The following PLEKHA6 variants were observed in gnomAD, a reference collection of about 807,000 sequenced individuals.
PLEKHA6 encodes pleckstrin homology domain-containing family A member 6.
Under a neutral mutation model 116.7 loss-of-function variants are expected in PLEKHA6, and 60 were observed. The observed-to-expected ratio is 0.51, with a 90% CI of 0.42 to 0.64. The LOEUF is 0.64. Ranked by LOEUF, PLEKHA6 falls within the 30% of genes least tolerant of loss-of-function variation. The pLI is 0.00. For missense variants in PLEKHA6, 1,338 were observed against 1,422.7 expected (o/e 0.94, Z 0.96); for synonymous variants, 489 against 556.1 (o/e 0.88, Z 1.70).
chr1:204,349,840 C>T (rs926152855), intron 1 of PLEKHA6, among the ~76,000 whole-genome samples: 1 of 152,172 alleles, frequency 6.6e-6, no homozygotes, highest in African/African-American at 2.4e-5. Context: ...CTCAGTGTTT[C>T]ACTGAAAGAA....
At chr1:204,278,140 C>A (rs554729906) in intron 1 of PLEKHA6, among the ~76,000 whole-genome samples, 5 of 152,346 alleles carry the variant, frequency 3.3e-5, no homozygotes, top group African/African-American at 9.6e-5. Context: ...GCGCTCCCCC[C>A]TTTCCTAATG....
intron 1 of PLEKHA6, chr1:204,359,426 G>T: frequency 5.4e-6 from 1 of 185,608 alleles, no homozygotes; most frequent in South Asian, 1.8e-4. Context: ...TCATCCAGGA[G>T]ATGCAATTCA....
At chr1:204,332,804 G>C (rs963882196) in intron 1 of PLEKHA6, among the ~76,000 whole-genome samples, 1 of 152,188 alleles carries the variant, frequency 6.6e-6, no homozygotes, top group Non-Finnish European at 1.5e-5. Flanking sequence ...TCTGCCCCTT[G>C]CTGGCTGCAT....
intron 1 of PLEKHA6, among the ~76,000 whole-genome samples, chr1:204,344,049 G>T (rs1481966290): frequency 6.6e-6 from 1 of 152,182 alleles, no homozygotes; most frequent in South Asian, 2.1e-4. Context: ...AGCTACTCAG[G>T]AGTATGAGGC....
intron 1 of PLEKHA6, among the ~76,000 whole-genome samples, chr1:204,372,622 A>G (rs1673796950): frequency 6.6e-6 from 1 of 152,194 alleles, no homozygotes; most frequent in African/African-American, 2.4e-5. Context: ...GAGATATCGA[A>G]TAAACGCCCT....
At chr1:204,357,875 T>G (rs1673459410) in intron 1 of PLEKHA6, among the ~76,000 whole-genome samples, 1 of 152,254 alleles carries the variant, frequency 6.6e-6, no homozygotes. Flanking sequence ...GGGGCTCTGA[T>G]GTCAGCCCGG....
chr1:204,244,617 G>C (rs974109041), intron 15 of PLEKHA6, among the ~76,000 whole-genome samples: 12 of 152,144 alleles, frequency 7.9e-5, no homozygotes, highest in Non-Finnish European at 1.5e-4. Context: ...ATCCATCCTG[G>C]TGCCCAGGAA....
Position 204,221,652 on chromosome 1 carries a change from TG to T in PLEKHA6, c.*1135del, listed in dbSNP as rs547535019. The T allele has an allele frequency of 2.0e-5, 3 of 152,456 alleles. No homozygotes were observed. The highest frequency in any genetic ancestry group is 7.2e-5 in the African/African-American group (3 of 41,554). The allele number at this position is 152,456 out of a possible 1,614,324, so 9.4% of individuals were successfully genotyped here. On this transcript the variant is annotated 3_prime_UTR_variant, in exon 23 of 23. Transcript: ENST00000272203. The stretch of plus-strand genomic sequence containing the variant: ...AACAGGGCAAGAAATATCATGGAAC[TG>T]GGTAGGTAAGGCCCCAAGGCTGACC...
rs777057913 is a variant in PLEKHA6 at position 204,250,623 on chromosome 1, A to G, written c.1525-9T>C. ...TCTGGGTATGGAGGGACCTGCAGGA[A>G]CATGAGGCCGGTTACTGCAGCAGGG... On this transcript the variant is annotated splice_polypyrimidine_tract_variant and intron_variant, in intron 9 of 22. Transcript: ENST00000272203. 1.9e-6 allele frequency: 3 copies of G among 1,607,050 alleles called. No homozygotes were observed. In the South Asian group the frequency reaches 3.3e-5, roughly 18 times the overall value.
upstream of PLEKHA6, among the ~76,000 whole-genome samples, chr1:204,362,729 TACAG>T (rs1159941333): frequency 1.3e-5 from 2 of 152,210 alleles, no homozygotes; most frequent in African/African-American, 2.4e-5. Flanking sequence ...TAGTTTGTTT[TACAG>T]ACAGAGTCTT....
intron 1 of PLEKHA6, among the ~76,000 whole-genome samples, chr1:204,374,922 C>T (rs2103421700): frequency 6.6e-6 from 1 of 152,296 alleles, no homozygotes; most frequent in Middle Eastern, 3.4e-3. Flanking sequence ...TAGAGGCCTC[C>T]CCCTCTCCTA....
Position 204,267,553 on chromosome 1 carries a change from G to C in PLEKHA6, c.208-6C>G. 1.2e-6 allele frequency: 2 copies of C among 1,613,820 alleles called. No individual in the cohort carries two copies. Among genetic ancestry groups the C allele is most frequent in the Non-Finnish European group, 1.7e-6 (2 of 1,179,748 alleles). ...TGCTTAACCCCGGAGCTGGCCTGCG[G>C]GACATGGGAGAGGCAGATGTGAGGG... On this transcript the variant is annotated splice_region_variant and splice_polypyrimidine_tract_variant and intron_variant, in intron 4 of 22. Coordinates refer to ENST00000272203, the MANE Select transcript of PLEKHA6 (RefSeq NM_014935.5).
At chr1:204,289,535 C>T (rs373295040) in intron 1 of PLEKHA6, among the ~76,000 whole-genome samples, 1 of 152,202 alleles carries the variant, frequency 6.6e-6, no homozygotes, top group Non-Finnish European at 1.5e-5. Context: ...CCTAGCAGCC[C>T]GCGGGGTGGC....
chr1:204,347,555 C>T (rs1304284236), intron 1 of PLEKHA6, among the ~76,000 whole-genome samples: 6 of 151,230 alleles, frequency 4.0e-5, no homozygotes, highest in African/African-American at 7.3e-5. Context: ...AAAGTAAAGA[C>T]AGGCATAGGA....
intron 1 of PLEKHA6, among the ~76,000 whole-genome samples, chr1:204,283,799 G>T (rs1272859634): frequency 6.6e-6 from 1 of 152,208 alleles, no homozygotes; most frequent in Non-Finnish European, 1.5e-5. Flanking sequence ...ATGTGGGCTG[G>T]GGGCTACCCA....
At chr1:204,327,037 T>C (rs1316919263) in intron 1 of PLEKHA6, 10 of 983,380 alleles carry the variant, frequency 1.0e-5, no homozygotes, top group Non-Finnish European at 1.2e-5. Flanking sequence ...GGTTTCAGCC[T>C]CTCCCCAGTC....
chr1:204,324,713 C>T lies in PLEKHA6; in HGVS notation c.-95+34981G>A, dbSNP rs543397651. Among the ~76,000 whole-genome samples, 3 of 152,268 alleles carry T rather than the reference C, an allele frequency of 2.0e-5. No individual in the cohort carries two copies. The South Asian group carries it at 6.2e-4, about 32-fold the overall frequency. On this transcript the variant is annotated intron_variant, in intron 1 of 22. Coordinates refer to ENST00000272203, the MANE Select transcript of PLEKHA6 (RefSeq NM_014935.5). Reference sequence around the variant, plus strand: ...TGCTGAATTGGAAGTCGATTAGGATCCTGGTGTTTTTATCTGACCTGAGGC... The same window carrying T: ...TGCTGAATTGGAAGTCGATTAGGATTCTGGTGTTTTTATCTGACCTGAGGC...
At chr1:204,349,022 C>T (rs1030119559) in intron 1 of PLEKHA6, among the ~76,000 whole-genome samples, 1 of 152,158 alleles carries the variant, frequency 6.6e-6, no homozygotes, top group South Asian at 2.1e-4. Flanking sequence ...CCATCCTTCC[C>T]GGCTGACTCC....
In PLEKHA6 at chr1:204,257,343, G is replaced by T. The variant is rs1368373435; in HGVS notation, c.1524+10C>A. 1.9e-6 allele frequency: 3 copies of T among 1,558,154 alleles called. No individual in the cohort carries two copies. In the South Asian group the frequency reaches 3.6e-5, roughly 18 times the overall value. ...GGGGATGAGGAAGGAAGGGCAGGCT[G>T]GTGGCTCACCTTGGGGGAGCTGATG... On this transcript the variant is annotated intron_variant, in intron 9 of 22. Coordinates refer to ENST00000272203, the MANE Select transcript of PLEKHA6 (RefSeq NM_014935.5). The surrounding 1 kb of genome is among the most constrained non-coding windows in gnomAD (Gnocchi z 6.5).
Sources: allele counts gnomAD v4.1 joint callset (sites outside exome capture counted in the v4.1 genomes callset), GRCh38; gene constraint gnomAD v4.1.1; non-coding constraint Gnocchi (gnomAD v3.1); transcripts MANE v1.5; gene names NCBI Gene and HGNC (gene_info 2026-07-23, HGNC 2026-07-21).